KIF3B: variants seen among roughly 807,000 people sequenced by gnomAD.
The protein encoded by KIF3B is kinesin-like protein KIF3B.
In KIF3B, 38 loss-of-function variants were observed where a neutral mutation model predicts 74.3. The observed-to-expected ratio is 0.51, with a 90% CI of 0.39 to 0.67. KIF3B has a LOEUF of 0.67. Ranked by LOEUF, KIF3B falls within the 30% of genes least tolerant of loss-of-function variation. The probability of loss-of-function intolerance (pLI) is 0.00; values close to 1 mark genes in which losing one functional copy is unlikely to be tolerated. For synonymous variants in KIF3B, 326 were observed against 342.5 expected (o/e 0.95, Z 0.53); for missense variants, 649 against 932.0 (o/e 0.70, Z 3.95).
At chr20:32,323,689 C>G (rs1166149278) in intron 5 of KIF3B, among the ~76,000 whole-genome samples, 2 of 151,874 alleles carry the variant, frequency 1.3e-5, no homozygotes, top group African/African-American at 4.8e-5. Flanking sequence ...CCAGCCTGGC[C>G]AAGATGGTGA....
In KIF3B at chr20:32,277,706, CCCGCCGCCGCCGCCG is replaced by C. The variant is rs756318630; in HGVS notation, c.-101_-87del. 1.2e-4 allele frequency: 32 copies of C among 261,204 alleles called. No individual in the cohort carries two copies. Among genetic ancestry groups the C allele is most frequent in the Middle Eastern group, 1.3e-3 (1 of 748 alleles). 16.2% of individuals were successfully genotyped at this position (261,204 alleles called of 1,614,324 possible). A position where few individuals can be genotyped will look rare whatever the true frequency, so the allele number is the denominator to read the frequency against. ...ATGGCTGAGCCAGGGGTTCGCCGCC[CCCGCCGCCGCCGCCG>C]CCGCCGCCGCCGCCGCCGCCGCCCG... On this transcript the variant is annotated 5_prime_UTR_variant, in exon 1 of 9. Coordinates refer to ENST00000375712, the MANE Select transcript of KIF3B (RefSeq NM_004798.4).
intron 5 of KIF3B, among the ~76,000 whole-genome samples, chr20:32,318,431 A>G (rs900366995): frequency 3.3e-5 from 5 of 152,230 alleles, no homozygotes; most frequent in African/African-American, 9.6e-5. Flanking sequence ...CTCCTCTAAA[A>G]GAAACTCTAC....
rs1337217117 is a variant in KIF3B, at chr20:32,331,227, A to G, written c.2152A>G (p.Lys718Glu). The G allele has an allele frequency of 1.2e-6, 2 of 1,613,308 alleles. No individual in the cohort carries two copies. The highest frequency in any genetic ancestry group is 1.3e-5 in the African/African-American group (1 of 74,874). The change falls in exon 9 of 9, where the codon AAA becomes GAA. Residue 718 changes from lysine (K) to glutamate (E), a missense_variant. Physicochemically the swap from Lys to Glu is moderately conservative, Grantham distance 56. This residue lies in a region of KIF3B where 186 missense variants were observed against 198.5 expected (regional missense o/e 0.94). Coordinates refer to ENST00000375712, the MANE Select transcript of KIF3B (RefSeq NM_004798.4). ...ACATGTGTTTGACTTTTGCAGGCCT[A>G]AAAGTGGAAGGAAGTCGGGATCCTC... The part of the protein sequence containing the change: ...TANKKSKARP[K>E]SGRKSGSSSS...
chr20:32,289,513 T>C (rs977445028), intron 1 of KIF3B, among the ~76,000 whole-genome samples: 2 of 152,186 alleles, frequency 1.3e-5, no homozygotes, highest in African/African-American at 4.8e-5. Flanking sequence ...TCTTAACACT[T>C]ATTAAGCTCC....
rs1273035607 is a variant in KIF3B at position 32,322,708 on chromosome 20, T to A, written c.1749-4063T>A. Among the ~76,000 whole-genome samples the A allele has an allele frequency of 6.9e-4, 32 of 46,104 alleles. 3 individuals are homozygous for A. Among genetic ancestry groups the A allele is most frequent in the East Asian group, 5.1e-3 (2 of 390 alleles). The allele number at this position is 46,104 out of a possible 152,430, so 30.2% of individuals were successfully genotyped here. Reference sequence around the variant, plus strand: ...TATATATTTATATATATTTATATATTTATATATATTTATATTTATTTATTT... The same window carrying A: ...TATATATTTATATATATTTATATATATATATATATTTATATTTATTTATTT... On this transcript the variant is annotated intron_variant, in intron 5 of 8. Coordinates refer to ENST00000375712, the MANE Select transcript of KIF3B (RefSeq NM_004798.4).
Position 32,277,736 on chromosome 20 carries a change from G to A in KIF3B, c.-95G>A. 3.8e-6 allele frequency: 1 copy of A among 265,694 alleles called. No homozygotes were observed. 16.5% of individuals were successfully genotyped at this position (265,694 alleles called of 1,614,324 possible). A position where few individuals can be genotyped will look rare whatever the true frequency, so the allele number is the denominator to read the frequency against. Reference sequence around the variant, plus strand: ...CGCCGCCGCCGCCGCCGCCGCCGCCGCCGCCGCCCGCTTTCGGCTCGGGCC... The same window carrying A: ...CGCCGCCGCCGCCGCCGCCGCCGCCACCGCCGCCCGCTTTCGGCTCGGGCC... On this transcript the variant is annotated 5_prime_UTR_variant, in exon 1 of 9. Coordinates refer to ENST00000375712, the MANE Select transcript of KIF3B (RefSeq NM_004798.4).
chr20:32,290,711 AAAT>A (rs573903767), intron 1 of KIF3B, among the ~76,000 whole-genome samples: 7 of 151,942 alleles, frequency 4.6e-5, no homozygotes, highest in Non-Finnish European at 1.0e-4. Flanking sequence ...TTTCTATAAC[AAAT>A]AATAATAATA....
intron 5 of KIF3B, among the ~76,000 whole-genome samples, chr20:32,325,639 A>ATCTCTC (rs770551783): frequency 9.5e-6 from 1 of 105,118 alleles, no homozygotes; most frequent in Non-Finnish European, 1.9e-5. Context: ...TTTCATTATT[A>ATCTCTC]TCTCTCTCTC....
chr20:32,300,693 T>A (rs1017972373), intron 1 of KIF3B, among the ~76,000 whole-genome samples: 2 of 152,116 alleles, frequency 1.3e-5, no homozygotes, highest in African/African-American at 4.8e-5. Context: ...GGATTACAGG[T>A]GTGAGCCACT....
chr20:32,303,638 C>A (rs1414933434), intron 1 of KIF3B, among the ~76,000 whole-genome samples: 1 of 151,476 alleles, frequency 6.6e-6, no homozygotes, highest in African/African-American at 2.4e-5. Flanking sequence ...GAGGCCAAGG[C>A]AGGTGGATCA....
chr20:32,295,442 G>A (rs974072331), intron 1 of KIF3B, among the ~76,000 whole-genome samples: 7 of 151,830 alleles, frequency 4.6e-5, no homozygotes, highest in African/African-American at 2.4e-5. Context: ...ACAGGTGCCC[G>A]CCATCATGCC....
intron 5 of KIF3B, among the ~76,000 whole-genome samples, chr20:32,321,428 CAA>C (rs566740586): frequency 1.6e-4 from 20 of 125,770 alleles, no homozygotes; most frequent in Admixed American, 2.5e-4. Context: ...GACTCTGTCT[CAA>C]AAAAAAAAAA....
chr20:32,316,604 C>G lies in KIF3B; in HGVS notation c.1584C>G (p.Ser528Arg). ...EETLELKETY[S>R]SLQQEVDIKT... ...CCTTGGAACTTAAAGAGACATACAG[C>G]TCATTGCAGCAAGAGGTGGACATCA... The change falls in exon 4 of 9, where the codon AGC becomes AGG. Residue 528 changes from serine (S) to arginine (R), a missense_variant. Transcript: ENST00000375712. 1 of 1,614,094 alleles carries G rather than the reference C, an allele frequency of 6.2e-7. No homozygotes were observed. Among genetic ancestry groups the G allele is most frequent in the Non-Finnish European group, 8.5e-7 (1 of 1,180,006 alleles).
intron 1 of KIF3B, among the ~76,000 whole-genome samples, chr20:32,286,018 T>C (rs1320713379): frequency 1.3e-5 from 2 of 152,270 alleles, no homozygotes; most frequent in African/African-American, 2.4e-5. Context: ...ATTTAACTCA[T>C]AATTTGCATT....
Position 32,331,349 on chromosome 20 carries a change from C to T in KIF3B, c.*30C>T. ...AGCTTCTCCTCTCCCAGGGCGGAAA[C>T]AGCATTTGCCTTCTGAGAGAAGAGA... is the stretch of plus-strand genomic sequence containing the variant. On this transcript the variant is annotated 3_prime_UTR_variant, in exon 9 of 9. Transcript: ENST00000375712. 6.5e-7 allele frequency: 1 copy of T among 1,540,930 alleles called. No homozygotes were observed. Among genetic ancestry groups the T allele is most frequent in the Non-Finnish European group, 8.9e-7 (1 of 1,123,152 alleles).
intron 5 of KIF3B, among the ~76,000 whole-genome samples, chr20:32,321,397 C>T (rs2047859225): frequency 6.6e-6 from 1 of 151,374 alleles, no homozygotes; most frequent in Non-Finnish European, 1.5e-5. Context: ...CCACTGTACT[C>T]CAGCCTGGGC....
chr20:32,319,582 G>GTTTTTTTTTTTTTTTTTTTT (rs34028388), intron 5 of KIF3B, among the ~76,000 whole-genome samples: 7 of 92,018 alleles, frequency 7.6e-5, no homozygotes, highest in Admixed American at 2.7e-4. Context: ...TTTTGTTTTT[G>GTTTTTTTTTTTTTTTTTTTT]TTTTTTTTTT....
chr20:32,288,765 C>T (rs1193728547), intron 1 of KIF3B, among the ~76,000 whole-genome samples: 1 of 152,128 alleles, frequency 6.6e-6, no homozygotes, highest in Non-Finnish European at 1.5e-5. Flanking sequence ...CCTCCGCCTC[C>T]TGGGTTCAAG....
chr20:32,313,998 G>A lies in KIF3B; in HGVS notation c.1405-2220G>A, dbSNP rs549718982. Among the ~76,000 whole-genome samples the A allele has an allele frequency of 2.6e-5, 4 of 152,142 alleles. No homozygotes were observed. The East Asian group carries it at 5.8e-4, about 22-fold the overall frequency. ...GTCAGGATTACAGGCGTGAGCCACCGCACCCTTATGTCCGGCCTGGGTATG... is the reference window on the plus strand; with the variant it reads ...GTCAGGATTACAGGCGTGAGCCACCACACCCTTATGTCCGGCCTGGGTATG... On this transcript the variant is annotated intron_variant, in intron 2 of 8. Transcript: ENST00000375712.
Sources: gnomAD v4.1 joint callset for allele counts (sites outside exome capture counted in the v4.1 genomes callset) on GRCh38, gnomAD v4.1.1 for gene constraint, gnomAD v4.1.1 regional missense constraint, MANE v1.5 for transcripts, NCBI Gene and HGNC (gene_info 2026-07-23, HGNC 2026-07-21) for gene names.